The following PCSK5 variants were observed in gnomAD, a reference collection of about 807,000 sequenced individuals.
PCSK5 encodes prohormone convertase 5.
A neutral mutation model predicts 233.2 loss-of-function variants in PCSK5; 129 were observed. The observed-to-expected ratio is 0.55, with a 90% CI of 0.48 to 0.64. The LOEUF is 0.64. Ranked by LOEUF, PCSK5 falls within the 30% of genes least tolerant of loss-of-function variation. The pLI, the probability that PCSK5 is intolerant of heterozygous loss-of-function variation, is 0.00. For missense variants in PCSK5, 2,076 were observed against 2,430.1 expected, an observed-to-expected ratio of 0.85 and a Z score of 3.06; for synonymous variants, 825 against 879.2, an observed-to-expected ratio of 0.94 and a Z score of 1.09.
rs1357752675 is a variant in PCSK5 at position 76,295,319 on chromosome 9, G to C, written c.3230G>C (p.Ser1077Thr). ...CYKTCPEKTYSEEVECKACDS... is the reference protein window; with the variant it reads ...CYKTCPEKTYTEEVECKACDS... ...AAAACCTGTCCTGAGAAGACCTACA[G>C]TGAGGAAGTGGAATGCAAGGCGTGT... The change falls in exon 26 of 38, where the codon AGT becomes ACT. Residue 1077 changes from serine to threonine, a missense_variant. Around this residue, in one of 6 missense-constraint regions of PCSK5, gnomAD observed 1,510 missense variants for 1,538.1 expected, o/e 0.98. Coordinates refer to ENST00000674117, the MANE Select transcript of PCSK5 (RefSeq NM_001372043.1). The C allele has an allele frequency of 1.2e-6, 2 of 1,611,858 alleles. No individual in the cohort carries two copies. The highest frequency in any genetic ancestry group is 2.2e-5 in the South Asian group (2 of 90,992).
intron 5 of PCSK5, among the ~76,000 whole-genome samples, chr9:76,029,125 C>T (rs909405832): frequency 2.0e-5 from 3 of 152,146 alleles, no homozygotes; most frequent in African/African-American, 7.2e-5. Context: ...AACCGCTTTG[C>T]TGCTGTCTGA....
intron 36 of PCSK5, 103 bp from the exon 37 acceptor site, chr9:76,353,930 A>C: frequency 1.3e-6 from 1 of 799,620 alleles, no homozygotes; most frequent in Non-Finnish European, 2.0e-6. Context: ...TGTCCCCCAC[A>C]CATCTCCCTC....
At chr9:76,045,012 T>A (rs890181703) in intron 5 of PCSK5, among the ~76,000 whole-genome samples, 7 of 152,214 alleles carry the variant, frequency 4.6e-5, no homozygotes, top group Admixed American at 1.3e-4. Context: ...ATTCCTTCTC[T>A]GAAAATCACC....
chr9:75,903,595 ATATTATAT>A (rs1826142537), intron 1 of PCSK5, among the ~76,000 whole-genome samples: 1 of 141,346 alleles, frequency 7.1e-6, no homozygotes, highest in Non-Finnish European at 1.5e-5. Flanking sequence ...TATAAAATAT[ATATTATAT>A]ATATATATTA....
chr9:76,248,076 TC>T (rs1826675564), intron 24 of PCSK5, among the ~76,000 whole-genome samples: 1 of 151,974 alleles, frequency 6.6e-6, no homozygotes, highest in African/African-American at 2.4e-5. Context: ...GAGCCACCGC[TC>T]CCGACCTTAA....
At chr9:76,271,825 T>C (rs981235676) in intron 24 of PCSK5, among the ~76,000 whole-genome samples, 1 of 152,194 alleles carries the variant, frequency 6.6e-6, no homozygotes, top group African/African-American at 2.4e-5. Flanking sequence ...TCTGGCTCCT[T>C]GTGGCTGCTG....
At chr9:75,954,722 A>G (rs968213399) in intron 2 of PCSK5, among the ~76,000 whole-genome samples, 4 of 152,176 alleles carry the variant, frequency 2.6e-5, no homozygotes, top group Non-Finnish European at 5.9e-5. Context: ...GAAGCCTCCA[A>G]CAGCCAAACC....
At chr9:75,971,098 C>G (rs893498393) in intron 2 of PCSK5, among the ~76,000 whole-genome samples, 1 of 151,810 alleles carries the variant, frequency 6.6e-6, no homozygotes, top group South Asian at 2.1e-4. Context: ...CCCCCACCCC[C>G]ACGACAGGCC....
chr9:76,104,810 AT>A (rs1371958877), intron 8 of PCSK5, among the ~76,000 whole-genome samples: 1 of 144,068 alleles, frequency 6.9e-6, no homozygotes, highest in African/African-American at 2.6e-5. Flanking sequence ...TTGAAAAAAA[AT>A]AAAACTTGGA....
At chr9:75,919,592 T>G (rs1164058418) in intron 1 of PCSK5, among the ~76,000 whole-genome samples, 1 of 152,226 alleles carries the variant, frequency 6.6e-6, no homozygotes, top group Non-Finnish European at 1.5e-5. Context: ...TCAGCATCAT[T>G]TGATATTGCC....
intron 5 of PCSK5, among the ~76,000 whole-genome samples, chr9:76,042,501 A>G (rs1261193310): frequency 6.6e-6 from 1 of 152,180 alleles, no homozygotes; most frequent in African/African-American, 2.4e-5. Context: ...CTAAAAATAC[A>G]AAAATTAGCT....
intron 7 of PCSK5, among the ~76,000 whole-genome samples, chr9:76,079,010 T>C (rs1830737696): frequency 6.6e-6 from 1 of 152,132 alleles, no homozygotes; most frequent in African/African-American, 2.4e-5. Flanking sequence ...TTAGCAGTGT[T>C]TTCTCTTCTT....
chr9:76,295,108 C>G (rs13283126), intron 25 of PCSK5, among the ~76,000 whole-genome samples, 167 bp from the exon 26 acceptor site: 1 of 151,842 alleles, frequency 6.6e-6, no homozygotes, highest in African/African-American at 2.4e-5. Context: ...GAGCCGAGAT[C>G]GACCACTGCA....
intron 3 of PCSK5, among the ~76,000 whole-genome samples, chr9:76,012,605 C>T (rs1827778679): frequency 6.6e-6 from 1 of 152,194 alleles, no homozygotes; most frequent in South Asian, 2.1e-4. Context: ...CTTTTCTAAG[C>T]AGCGCACCTT....
chr9:75,894,498 C>T (rs2050833), intron 1 of PCSK5, among the ~76,000 whole-genome samples: 120,174 of 152,194 alleles, frequency 0.79, 48,645 homozygotes, highest in African/African-American at 0.86. Context: ...TGCCTTTGTT[C>T]ATAGAGCTAG....
At chr9:76,205,966 G>A (rs1458647870) in intron 20 of PCSK5, among the ~76,000 whole-genome samples, 3 of 152,120 alleles carry the variant, frequency 2.0e-5, no homozygotes, top group African/African-American at 7.2e-5. Context: ...ATAACCCAGA[G>A]TAGCAAGCAG....
chr9:75,951,405 T>C (rs1824850557), intron 2 of PCSK5, among the ~76,000 whole-genome samples: 2 of 152,234 alleles, frequency 1.3e-5, no homozygotes, highest in Non-Finnish European at 2.9e-5. Context: ...TTTTCTCTTA[T>C]AATCAGTGGA....
intron 37 of PCSK5, among the ~76,000 whole-genome samples, chr9:76,357,072 T>A (rs1830320078): frequency 6.6e-6 from 1 of 152,132 alleles, no homozygotes; most frequent in African/African-American, 2.4e-5. Context: ...TCATACCACC[T>A]GGAAAAATGA....
intron 2 of PCSK5, among the ~76,000 whole-genome samples, chr9:75,984,405 G>A (rs979435383): frequency 6.6e-6 from 1 of 152,086 alleles, no homozygotes; most frequent in Non-Finnish European, 1.5e-5. Context: ...TTGGCAGTGT[G>A]GAATTTATGA....
Sources: allele counts gnomAD v4.1 joint callset (sites outside exome capture counted in the v4.1 genomes callset), GRCh38; gene constraint gnomAD v4.1.1; regional missense constraint gnomAD v4.1.1; transcripts MANE v1.5; gene names NCBI Gene and HGNC (gene_info 2026-07-23, HGNC 2026-07-21).